Variants in PSD2 observed in about 807,000 individuals in gnomAD.
PSD2 encodes the protein PH and SEC7 domain-containing protein 2.
A neutral mutation model predicts 69.8 loss-of-function variants in PSD2; 38 were observed. That is an observed-to-expected ratio of 0.54 (90% CI 0.42 to 0.71). PSD2 has a LOEUF of 0.71. Among genes scored for constraint, PSD2 ranks in the 30% least tolerant of loss-of-function variants. The pLI, the probability that PSD2 is intolerant of heterozygous loss-of-function variation, is 0.00. For missense variants in PSD2, 943 were observed against 1,014.5 expected (o/e 0.93, Z 0.96); for synonymous variants, 412 against 423.0 (o/e 0.97, Z 0.32).
At chr5:139,824,977 C>T (rs1366741767) in intron 7 of PSD2, among the ~76,000 whole-genome samples, 1 of 152,154 alleles carries the variant, frequency 6.6e-6, no homozygotes, top group East Asian at 1.9e-4. Flanking sequence ...TAGGCATGCT[C>T]CTGAGATGGG....
intron 12 of PSD2, among the ~76,000 whole-genome samples, 166 bp from the exon 13 acceptor site, chr5:139,838,462 G>T (rs1760792181): frequency 6.6e-6 from 1 of 152,096 alleles, no homozygotes; most frequent in Non-Finnish European, 1.5e-5. Flanking sequence ...CATAGCTCTG[G>T]CCAGGCCCAT....
chr5:139,817,308 T>C (rs1240005141), intron 4 of PSD2, among the ~76,000 whole-genome samples, 173 bp from the exon 5 acceptor site: 1 of 150,074 alleles, frequency 6.7e-6, no homozygotes, highest in Non-Finnish European at 1.5e-5. Flanking sequence ...AAAGCCTTCC[T>C]GACACCCCAA....
At chr5:139,753,357 C>A in the PSD2 span, among the ~76,000 whole-genome samples, 2 of 152,156 alleles carry the variant, frequency 1.3e-5, no homozygotes, top group African/African-American at 4.8e-5. Flanking sequence ...TCATGCCCCT[C>A]CATGCTTTTG....
intron 1 of PSD2, among the ~76,000 whole-genome samples, chr5:139,802,537 T>A (rs1759700527): frequency 6.6e-6 from 1 of 151,360 alleles, no homozygotes; most frequent in Non-Finnish European, 1.5e-5. Flanking sequence ...GCAGTGTGAG[T>A]CCAGTGCCCT....
intron 1 of PSD2, among the ~76,000 whole-genome samples, chr5:139,804,773 C>T (rs553239312): frequency 7.0e-6 from 1 of 143,254 alleles, no homozygotes; most frequent in South Asian, 2.2e-4. Flanking sequence ...CTGCCCTTAA[C>T]CTTGCCCATA....
At chr5:139,805,630 C>T (rs550471209) in intron 1 of PSD2, among the ~76,000 whole-genome samples, 1 of 152,276 alleles carries the variant, frequency 6.6e-6, no homozygotes, top group African/African-American at 2.4e-5. Context: ...CAGAGAGGGC[C>T]TTTCTCAGGA....
chr5:139,832,144 A>T (rs1417362877), intron 7 of PSD2, among the ~76,000 whole-genome samples: 1 of 152,194 alleles, frequency 6.6e-6, no homozygotes, highest in Admixed American at 6.5e-5. Flanking sequence ...TATTGCTCAG[A>T]TTAGAAATCT....
In PSD2 at chr5:139,839,301, C is replaced by T. The variant is rs375117364; in HGVS notation, c.1968+529C>T. Among the ~76,000 whole-genome samples the T allele has an allele frequency of 6.6e-6, 1 of 152,240 alleles. No individual in the cohort carries two copies. On this transcript the variant is annotated intron_variant, in intron 13 of 14. Coordinates refer to ENST00000274710, the MANE Select transcript of PSD2 (RefSeq NM_032289.4). This position sits in a 1 kb window ranked among gnomAD's most constrained non-coding sequence, Gnocchi z 5.1. ...AAGCCCCACACTTCCTCTTTGCCAG[C>T]GGCCTTTCCCACTAGGCCTTGTCCC...
chr5:139,831,707 A>G (rs1760602553), intron 7 of PSD2, among the ~76,000 whole-genome samples: 2 of 152,082 alleles, frequency 1.3e-5, no homozygotes, highest in African/African-American at 4.8e-5. Context: ...ATATCTCTCT[A>G]TATTTTATTC....
At chr5:139,758,646 C>T in the PSD2 span, among the ~76,000 whole-genome samples, 1 of 152,132 alleles carries the variant, frequency 6.6e-6, no homozygotes, top group Non-Finnish European at 1.5e-5. Context: ...CTTTTACTAC[C>T]CTGCTCCCTG....
chr5:139,796,963 T>A (rs181133253), intron 1 of PSD2, among the ~76,000 whole-genome samples: 1 of 151,536 alleles, frequency 6.6e-6, no homozygotes, highest in Non-Finnish European at 1.5e-5. Context: ...GTTTGGACTT[T>A]CCTGGGTTCC....
the PSD2 span, among the ~76,000 whole-genome samples, chr5:139,760,681 A>G: frequency 6.6e-6 from 1 of 152,104 alleles, no homozygotes; most frequent in Non-Finnish European, 1.5e-5. Flanking sequence ...CTGGCACCCT[A>G]TGGAGGAGGG....
At chr5:139,768,606 C>T in the PSD2 span, among the ~76,000 whole-genome samples, 4 of 151,926 alleles carry the variant, frequency 2.6e-5, no homozygotes, top group African/African-American at 9.7e-5. Flanking sequence ...GCCTGTAATC[C>T]CAGCTATTTG....
chr5:139,825,664 G>C (rs560262023), intron 7 of PSD2, among the ~76,000 whole-genome samples: 1 of 148,404 alleles, frequency 6.7e-6, no homozygotes, highest in East Asian at 2.0e-4. Flanking sequence ...TTCCTGAGAG[G>C]GGGAAGAAAC....
chr5:139,747,096 C>G, the PSD2 span, among the ~76,000 whole-genome samples: 1 of 152,164 alleles, frequency 6.6e-6, no homozygotes, highest in African/African-American at 2.4e-5. This position sits in a 1 kb window ranked among gnomAD's most constrained non-coding sequence, Gnocchi z 6.7. Flanking sequence ...GTCTCCGTGT[C>G]TATCTCCACA....
At chr5:139,831,601 G>T (rs1398121722) in intron 7 of PSD2, among the ~76,000 whole-genome samples, 4 of 152,066 alleles carry the variant, frequency 2.6e-5, no homozygotes, top group South Asian at 4.1e-4. Context: ...TAAAGTACTT[G>T]TACCACTTCC....
chr5:139,750,394 A>G, the PSD2 span, among the ~76,000 whole-genome samples: 19 of 151,860 alleles, frequency 1.3e-4, no homozygotes, highest in Admixed American at 1.2e-3. Context: ...CCCAGCCTCC[A>G]CCAGCCCTGC....
chr5:139,835,573 A>G, intron 8 of PSD2, 150 bp from the exon 9 acceptor site: 1 of 760,444 alleles, frequency 1.3e-6, no homozygotes. Context: ...CCACTCACTT[A>G]CCCATCCAGC....
chr5:139,764,162 G>A, the PSD2 span, among the ~76,000 whole-genome samples: 3 of 152,196 alleles, frequency 2.0e-5, no homozygotes, highest in Non-Finnish European at 4.4e-5. Context: ...TGGGGTCACA[G>A]TATTGATCAC....
Sources: gnomAD v4.1 joint callset for allele counts (sites outside exome capture counted in the v4.1 genomes callset) on GRCh38, gnomAD v4.1.1 for gene constraint, Gnocchi (gnomAD v3.1) non-coding constraint, MANE v1.5 for transcripts, NCBI Gene and HGNC (gene_info 2026-07-23, HGNC 2026-07-21) for gene names.